IGF2BP1: variants seen among roughly 807,000 people sequenced by gnomAD.
IGF2BP1 encodes insulin like growth factor 2 mRNA binding protein 1.
A neutral mutation model predicts 74.9 loss-of-function variants in IGF2BP1; 11 were observed. The observed-to-expected ratio is 0.15, with a 90% confidence interval of 0.09 to 0.24. The LOEUF is 0.24. IGF2BP1 is among the 10% of genes least tolerant of loss of function. The pLI is 1.00. For synonymous variants in IGF2BP1, 287 were observed against 281.8 expected, an observed-to-expected ratio of 1.02 and a Z score of -0.18; for missense variants, 440 against 757.4, an observed-to-expected ratio of 0.58 and a Z score of 4.92.
At chr17:49,004,321 G>A (rs975442521) in intron 2 of IGF2BP1, among the ~76,000 whole-genome samples, 1 of 141,836 alleles carries the variant, frequency 7.1e-6, no homozygotes, top group Non-Finnish European at 1.6e-5. Flanking sequence ...GCGGGCTGCG[G>A]GCTGCAGACC....
At chr17:49,021,090 C>T (rs2041786175) in intron 2 of IGF2BP1, among the ~76,000 whole-genome samples, 1 of 151,902 alleles carries the variant, frequency 6.6e-6, no homozygotes, top group Non-Finnish European at 1.5e-5. Context: ...CTGCAGTGAG[C>T]CAAGGTCTCA....
chr17:49,052,534 G>T lies in IGF2BP1; in HGVS notation c.*3090G>T, dbSNP rs914709052. 1 of 152,102 alleles carries T rather than the reference G, an allele frequency of 6.6e-6. No homozygotes were observed. Among genetic ancestry groups the T allele is most frequent in the African/African-American group, 2.4e-5 (1 of 41,412 alleles). The allele number at this position is 152,102 out of a possible 1,614,324, so 9.4% of individuals were successfully genotyped here. A position where few individuals can be genotyped will look rare whatever the true frequency, so the allele number is the denominator to read the frequency against. On this transcript the variant is annotated 3_prime_UTR_variant, in exon 15 of 15. Transcript: ENST00000290341. ...ACTTCACTTGCTTGGATTAGGCAAG[G>T]CTCCACTCATTGTTGATATTTGCCC...
chr17:49,037,182 A>G, intron 5 of IGF2BP1: 1 of 477,186 alleles, frequency 2.1e-6, no homozygotes, highest in South Asian at 1.8e-5. Flanking sequence ...CCCTAAAATA[A>G]TGAGAGAAAA....
intron 2 of IGF2BP1, among the ~76,000 whole-genome samples, chr17:49,005,644 C>CT (rs2143935377): frequency 6.6e-6 from 1 of 152,248 alleles, no homozygotes; most frequent in African/African-American, 2.4e-5. Context: ...TTCTCTTTCC[C>CT]TTTCTACCAT....
chr17:49,033,632 C>T (rs368619916), intron 5 of IGF2BP1, among the ~76,000 whole-genome samples: 14 of 152,086 alleles, frequency 9.2e-5, no homozygotes, highest in East Asian at 3.9e-4. Context: ...AGTGAGCCAC[C>T]GCACCCGGCT....
chr17:49,008,408 A>G (rs1327240693), intron 2 of IGF2BP1, among the ~76,000 whole-genome samples: 1 of 152,156 alleles, frequency 6.6e-6, no homozygotes, highest in Non-Finnish European at 1.5e-5. Flanking sequence ...CTTCCTCTCT[A>G]TATTTATTAC....
intron 2 of IGF2BP1, among the ~76,000 whole-genome samples, chr17:49,023,059 A>G (rs1007955768): frequency 6.6e-6 from 1 of 152,164 alleles, no homozygotes; most frequent in African/African-American, 2.4e-5. Context: ...TTCTTCCGGC[A>G]GTTTTGCTTT....
chr17:49,022,547 G>A (rs1249017812), intron 2 of IGF2BP1, among the ~76,000 whole-genome samples: 1 of 152,062 alleles, frequency 6.6e-6, no homozygotes, highest in East Asian at 1.9e-4. Context: ...CTGCTGGTTG[G>A]GGGCAGGGGA....
In IGF2BP1 at chr17:49,053,648, G is replaced by T. The variant is rs2042192531; in HGVS notation, c.*4204G>T. On this transcript the variant is annotated 3_prime_UTR_variant, in exon 15 of 15. Coordinates refer to ENST00000290341, the MANE Select transcript of IGF2BP1 (RefSeq NM_006546.4). ...GAGGGGCCTCAGTTAGCTCTCAAGGGTGCCTTCCCCTCCTCCCAACCCAGA... is the reference window on the plus strand; with the variant it reads ...GAGGGGCCTCAGTTAGCTCTCAAGGTTGCCTTCCCCTCCTCCCAACCCAGA... The T allele has an allele frequency of 6.6e-6, 1 of 152,618 alleles. No homozygotes were observed. The highest frequency in any genetic ancestry group is 6.5e-5 in the Admixed American group (1 of 15,274). The allele number at this position is 152,618 out of a possible 1,614,324, so 9.5% of individuals were successfully genotyped here.
chr17:49,030,323 G>A (rs78987277), intron 4 of IGF2BP1, among the ~76,000 whole-genome samples: 3,954 of 152,046 alleles, frequency 0.026, 168 homozygotes, highest in African/African-American at 0.09. Context: ...TGTATTTTCA[G>A]TGGAGACTGG....
At chr17:48,999,263 A>G (rs970977752) in intron 2 of IGF2BP1, 94 bp downstream of exon 2, 13 of 770,170 alleles carry the variant, frequency 1.7e-5, no homozygotes, top group Non-Finnish European at 2.7e-5. Context: ...AGTGGAAGAA[A>G]CCCATTACTG....
intron 2 of IGF2BP1, among the ~76,000 whole-genome samples, chr17:49,000,515 G>A (rs1320691496): frequency 6.6e-6 from 1 of 152,154 alleles, no homozygotes; most frequent in African/African-American, 2.4e-5. Context: ...GCAATAAAAT[G>A]GGAAGGAAGA....
intron 2 of IGF2BP1, among the ~76,000 whole-genome samples, chr17:49,018,255 G>C (rs1198553311): frequency 6.6e-6 from 1 of 152,176 alleles, no homozygotes; most frequent in Non-Finnish European, 1.5e-5. Context: ...ACCCTTACCA[G>C]AAACCACCAG....
rs1282096241 is a variant in IGF2BP1, at chr17:49,043,962, G to T, written c.1201-5G>T. ...CCCTGGTAACAACGCCTCCTATCCTGGCAGCAGGCTCCCGAGCAGGAGATG... is the reference window on the plus strand; with the variant it reads ...CCCTGGTAACAACGCCTCCTATCCTTGCAGCAGGCTCCCGAGCAGGAGATG... On this transcript the variant is annotated splice_region_variant and splice_polypyrimidine_tract_variant and intron_variant, in intron 10 of 14. Transcript: ENST00000290341. 1 of 1,613,552 alleles carries T rather than the reference G, an allele frequency of 6.2e-7. No individual in the cohort carries two copies. Among genetic ancestry groups the T allele is most frequent in the South Asian group, 1.1e-5 (1 of 91,026 alleles).
Position 48,997,657 on chromosome 17 carries a change from C to A in IGF2BP1, c.-89C>A. ...GAAAGTTTGCGGCTCCTGCCGCCGG[C>A]CTCTCCGCCTCTTGGCCTAGGAGGC... On this transcript the variant is annotated 5_prime_UTR_variant, in exon 1 of 15. Coordinates refer to ENST00000290341, the MANE Select transcript of IGF2BP1 (RefSeq NM_006546.4). The surrounding 1 kb of genome is among the most constrained non-coding windows in gnomAD (Gnocchi z 4.8). 1 of 1,389,546 alleles carries A rather than the reference C, an allele frequency of 7.2e-7. No homozygotes were observed. The highest frequency in any genetic ancestry group is 9.9e-7 in the Non-Finnish European group (1 of 1,014,134). 86.1% of individuals were successfully genotyped at this position (1,389,546 alleles called of 1,614,324 possible). A position where few individuals can be genotyped will look rare whatever the true frequency, so the allele number is the denominator to read the frequency against.
chr17:49,044,293 TGGGCAG>T (rs2042085879), intron 11 of IGF2BP1, among the ~76,000 whole-genome samples: 1 of 152,160 alleles, frequency 6.6e-6, no homozygotes, highest in South Asian at 2.1e-4. Context: ...GTTTTCAGGC[TGGGCAG>T]GGGCAGGGTT....
At chr17:49,019,926 A>ATT (rs2041761090) in intron 2 of IGF2BP1, among the ~76,000 whole-genome samples, 1 of 62,178 alleles carries the variant, frequency 1.6e-5, no homozygotes, top group Non-Finnish European at 3.0e-5. Context: ...ATATATATAT[A>ATT]TATATATATA....
At chr17:49,006,706 AG>A (rs1446090921) in intron 2 of IGF2BP1, among the ~76,000 whole-genome samples, 1 of 152,180 alleles carries the variant, frequency 6.6e-6, no homozygotes, top group East Asian at 1.9e-4. Flanking sequence ...CTAAGGCACT[AG>A]GAACAGTGAT....
Position 49,055,104 on chromosome 17 carries a change from A to G in IGF2BP1, c.*5660A>G, listed in dbSNP as rs1567833944. 6.6e-6 allele frequency: 1 copy of G among 152,090 alleles called. No individual in the cohort carries two copies. The allele number at this position is 152,090 out of a possible 1,614,324, so 9.4% of individuals were successfully genotyped here. ...AAAAGATTTCTTTTTCCAAAGGAAAAAAATATTACCTTGAGAATACTTTCC... is the reference window on the plus strand; with the variant it reads ...AAAAGATTTCTTTTTCCAAAGGAAAGAAATATTACCTTGAGAATACTTTCC... On this transcript the variant is annotated 3_prime_UTR_variant, in exon 15 of 15. Coordinates refer to ENST00000290341, the MANE Select transcript of IGF2BP1 (RefSeq NM_006546.4).
Sources: gnomAD v4.1 joint callset for allele counts (sites outside exome capture counted in the v4.1 genomes callset) on GRCh38, gnomAD v4.1.1 for gene constraint, Gnocchi (gnomAD v3.1) non-coding constraint, MANE v1.5 for transcripts, NCBI Gene and HGNC (gene_info 2026-07-23, HGNC 2026-07-21) for gene names.